The following SIGLEC8 variants were observed in gnomAD, a reference collection of about 807,000 sequenced individuals.
The protein encoded by SIGLEC8 is sialic acid-binding Ig-like lectin 8.
In SIGLEC8, 32 loss-of-function variants were observed where a neutral mutation model predicts 42.1. That is an observed-to-expected ratio of 0.76 (90% confidence interval 0.57 to 1.02). The LOEUF is 1.02. Among genes scored for constraint, SIGLEC8 ranks in the 50% least tolerant of loss-of-function variants. The pLI, the probability that SIGLEC8 is intolerant of heterozygous loss-of-function variation, is 0.00. For missense variants in SIGLEC8, 611 were observed against 610.2 expected (o/e 1.00, Z -0.01); for synonymous variants, 262 against 260.3 (o/e 1.01, Z -0.06).
In SIGLEC8 at chr19:51,458,181, T is replaced by C; in HGVS notation, c.207A>G (p.Ala69=). 6.2e-7 allele frequency: 1 copy of C among 1,613,984 alleles called. No individual in the cohort carries two copies. Among genetic ancestry groups the C allele is most frequent in the East Asian group, 2.2e-5 (1 of 44,878 alleles). The stretch of plus-strand genomic sequence containing the variant: ...GAGCGTCTTGGTATGGTCTGTCTCC[T>C]GCCCGGAACCAGTAGCCATGAACTG... The part of the protein sequence containing the change: ...SDPVHGYWFR[A]GDRPYQDAPV... The change falls in exon 1 of 7, where the codon GCA becomes GCG. Residue 69 remains alanine (A), a synonymous_variant. Coordinates refer to ENST00000321424, the MANE Select transcript of SIGLEC8 (RefSeq NM_014442.3).
At position 51,454,402 on chromosome 19, in the gene SIGLEC8, G is replaced by T. The variant is rs1477358992; in HGVS notation, c.1149-87C>A. The T allele has an allele frequency of 6.2e-7, 1 of 1,607,150 alleles. No homozygotes were observed. Among genetic ancestry groups the T allele is most frequent in the South Asian group, 1.1e-5 (1 of 90,560 alleles). ...ACCCCTGCCCTGTATTTCCTACTGG[G>T]GGCTTGAGGGGTGACCGAGGCGCAA... On this transcript the variant is annotated intron_variant, in intron 5 of 6. Transcript: ENST00000321424. The surrounding 1 kb of genome is among the most constrained non-coding windows in gnomAD (Gnocchi z 4.7).
rs1293663808 is a variant in SIGLEC8, at chr19:51,458,194, T to A, written c.194A>T (p.Tyr65Phe). Residue 65 changes from tyrosine (Y) to phenylalanine (F), a missense_variant, in exon 1 of 7, where the codon TAC becomes TTC. Coordinates refer to ENST00000321424, the MANE Select transcript of SIGLEC8 (RefSeq NM_014442.3). The part of the protein sequence containing the change: ...GWTDSDPVHG[Y>F]WFRAGDRPYQ... ...TGGTCTGTCTCCTGCCCGGAACCAGTAGCCATGAACTGGGTCAGAGTCAGT... is the reference window on the plus strand; with the variant it reads ...TGGTCTGTCTCCTGCCCGGAACCAGAAGCCATGAACTGGGTCAGAGTCAGT... 1.2e-6 allele frequency: 2 copies of A among 1,613,910 alleles called. No individual in the cohort carries two copies. The highest frequency in any genetic ancestry group is 1.7e-6 in the Non-Finnish European group (2 of 1,179,990).
chr19:51,457,358 T>C (rs542969610), intron 2 of SIGLEC8, 103 bp downstream of exon 2: 111 of 1,513,108 alleles, frequency 7.3e-5, no homozygotes, highest in Non-Finnish European at 9.3e-5. Flanking sequence ...CCAGCCCAGA[T>C]TCTGGGACCC....
chr19:51,454,642 C>G lies in SIGLEC8; in HGVS notation c.1148+42G>C, dbSNP rs1436576264. 6.6e-7 allele frequency: 1 copy of G among 1,516,822 alleles called. No individual in the cohort carries two copies. Among genetic ancestry groups the G allele is most frequent in the Non-Finnish European group, 9.2e-7 (1 of 1,091,818 alleles). The allele number at this position is 1,516,822 out of a possible 1,614,324, so 94.0% of individuals were successfully genotyped here. On this transcript the variant is annotated intron_variant, in intron 5 of 6. Transcript: ENST00000321424. The surrounding 1 kb of genome is among the most constrained non-coding windows in gnomAD (Gnocchi z 4.7). ...TCAGGGATTCTGTTCCCGGTCTGCC[C>G]TGCCCCAGGTCTCTCTCTCCCTCCC...
At position 51,452,586 on chromosome 19, in the gene SIGLEC8, A is replaced by T; in HGVS notation, c.1293T>A (p.Pro431=). 6.4e-7 allele frequency: 1 copy of T among 1,571,176 alleles called. No individual in the cohort carries two copies. Among genetic ancestry groups the T allele is most frequent in the Non-Finnish European group, 8.7e-7 (1 of 1,153,304 alleles). Residue 431 remains proline, a synonymous_variant, in exon 7 of 7, where the codon CCT becomes CCA. Transcript: ENST00000321424. ...CTGACGAGGGGGCAACAGCTGGGGG[A>T]GGCTTCTTCAGGGGGTTGCCATCTT... ...SWKDGNPLKK[P]PPAVAPSSGE...
At position 51,458,115 on chromosome 19, in the gene SIGLEC8, C is replaced by A. The variant is rs1442019715; in HGVS notation, c.273G>T (p.Glu91Asp). Residue 91 changes from glutamate (E) to aspartate (D), a missense_variant, in exon 1 of 7, where the codon GAG becomes GAT. Coordinates refer to ENST00000321424, the MANE Select transcript of SIGLEC8 (RefSeq NM_014442.3). ...TNNPDREVQAETQGRFQLLGD... is the reference protein window; with the variant it reads ...TNNPDREVQADTQGRFQLLGD... ...CAAGGAGTTGGAATCGGCCCTGGGTCTCTGCCTGCACTTCTCTGTCTGGGT... is the reference window on the plus strand; with the variant it reads ...CAAGGAGTTGGAATCGGCCCTGGGTATCTGCCTGCACTTCTCTGTCTGGGT... The A allele has an allele frequency of 6.2e-7, 1 of 1,614,154 alleles. No individual in the cohort carries two copies. The highest frequency in any genetic ancestry group is 1.1e-5 in the South Asian group (1 of 91,082).
In SIGLEC8 at chr19:51,458,097, T is replaced by C. The variant is rs944855147; in HGVS notation, c.291A>G (p.Gln97=). 1 of 1,613,990 alleles carries C rather than the reference T, an allele frequency of 6.2e-7. No homozygotes were observed. Among genetic ancestry groups the C allele is most frequent in the Non-Finnish European group, 8.5e-7 (1 of 1,179,996 alleles). The change falls in exon 1 of 7, where the codon CAA becomes CAG. Residue 97 remains glutamine, a synonymous_variant. Transcript: ENST00000321424. ...CGTTGCTCCAAATGTCCCCAAGGAG[T>C]TGGAATCGGCCCTGGGTCTCTGCCT... ...EVQAETQGRF[Q]LLGDIWSNDC...
Position 51,455,620 on chromosome 19 carries a change from AC to A in SIGLEC8, c.848del (p.Cys283LeufsTer11), listed in dbSNP as rs1010501943. 6.2e-7 allele frequency: 1 copy of A among 1,614,158 alleles called. No individual in the cohort carries two copies. The highest frequency in any genetic ancestry group is 1.3e-5 in the African/African-American group (1 of 75,050). ...VLEGQSLRLV[C>X]AVNSNPPARL... ...TGGCAGGGGGATTGCTGTTGACAGC[AC>A]AGACCAGGCGCAGAGACTGGCCCTC... On this transcript the variant is annotated frameshift_variant, in exon 4 of 7. Coordinates refer to ENST00000321424, the MANE Select transcript of SIGLEC8 (RefSeq NM_014442.3). LOFTEE classifies it high-confidence loss of function.
chr19:51,453,469 G>A (rs907421673), intron 6 of SIGLEC8: 8 of 836,384 alleles, frequency 9.6e-6, no homozygotes, highest in Non-Finnish European at 1.2e-5. Context: ...AGGCTGAGGC[G>A]GGCGGATCAC....
chr19:51,457,772 G>A lies in SIGLEC8; in HGVS notation c.455-33C>T, dbSNP rs758873196. ...AGATGGGGACACAGGATCAGGAGGA[G>A]GTATTTCAGGTGCAGCCCTGGAGGA... is the stretch of plus-strand genomic sequence containing the variant. On this transcript the variant is annotated intron_variant, in intron 1 of 6. Transcript: ENST00000321424. 25 of 1,554,444 alleles carry A rather than the reference G, an allele frequency of 1.6e-5. No homozygotes were observed. In the South Asian group the frequency reaches 3.0e-4, roughly 19 times the overall value.
chr19:51,458,372 G>A lies in SIGLEC8; in HGVS notation c.16C>T (p.Leu6=), dbSNP rs1232128940. The change falls in exon 1 of 7, where the codon CTG becomes TTG. Residue 6 remains leucine (L), a synonymous_variant. Coordinates refer to ENST00000321424, the MANE Select transcript of SIGLEC8 (RefSeq NM_014442.3). ...GTCCCCCAGAGCAGGGGCAGCAGCA[G>A]CAGCAGCAGCAGCATGTCTGGGTTT... MLLLL[L]LLPLLWGTKG... is the part of the protein sequence containing the mutation. The A allele has an allele frequency of 6.2e-7, 1 of 1,612,806 alleles. No homozygotes were observed.
chr19:51,456,643 C>G (rs1468679841), intron 3 of SIGLEC8, among the ~76,000 whole-genome samples: 1 of 152,184 alleles, frequency 6.6e-6, no homozygotes, highest in South Asian at 2.1e-4. Context: ...CGATGTCAAA[C>G]CACCTCTGAG....
intron 4 of SIGLEC8, 61 bp downstream of exon 4, chr19:51,455,357 G>A: frequency 6.3e-7 from 1 of 1,583,166 alleles, no homozygotes; most frequent in South Asian, 1.1e-5. Flanking sequence ...CTCAGGGGCA[G>A]TGGGTGGTCC....
Position 51,458,075 on chromosome 19 carries a change from T to C in SIGLEC8, c.313A>G (p.Asn105Asp). Residue 105 changes from asparagine (N) to aspartate (D), a missense_variant, in exon 1 of 7, where the codon AAC becomes GAC. Physicochemically the swap from Asn to Asp is conservative, Grantham distance 23 (BLOSUM62 1). Transcript: ENST00000321424. ...TCTCTGATGCTCAGGGAGCAGTCGT[T>C]GCTCCAAATGTCCCCAAGGAGTTGG... The part of the protein sequence containing the change: ...RFQLLGDIWS[N>D]DCSLSIRDAR... 6.2e-7 allele frequency: 1 copy of C among 1,614,216 alleles called. No homozygotes were observed. Among genetic ancestry groups the C allele is most frequent in the South Asian group, 1.1e-5 (1 of 91,086 alleles).
At chr19:51,452,665 G>C (rs1168148702) in intron 6 of SIGLEC8, 32 bp from the exon 7 acceptor site, 20 of 1,467,168 alleles carry the variant, frequency 1.4e-5, no homozygotes, top group Non-Finnish European at 1.7e-5. Context: ...AGTCAGAACA[G>C]AGCAGTGGGG....
At chr19:51,457,785 C>T in intron 1 of SIGLEC8, 46 bp from the exon 2 acceptor site, 1 of 1,551,674 alleles carries the variant, frequency 6.4e-7, no homozygotes, top group Non-Finnish European at 8.7e-7. Flanking sequence ...ATTTCAGGTG[C>T]AGCCCTGGAG....
At chr19:51,456,639 C>G (rs1383638074) in intron 3 of SIGLEC8, among the ~76,000 whole-genome samples, 1 of 152,192 alleles carries the variant, frequency 6.6e-6, no homozygotes, top group Non-Finnish European at 1.5e-5. Flanking sequence ...ACTACGATGT[C>G]AAACCACCTC....
chr19:51,455,216 A>G (rs1206736934), intron 4 of SIGLEC8, among the ~76,000 whole-genome samples: 2 of 151,936 alleles, frequency 1.3e-5, no homozygotes, highest in Non-Finnish European at 2.9e-5. Context: ...CCTCCCCTCC[A>G]AGACCCACTC....
rs750211907 is a variant in SIGLEC8, at chr19:51,457,558, G to C, written c.636C>G (p.Thr212=). 2 of 1,613,920 alleles carry C rather than the reference G, an allele frequency of 1.2e-6. No individual in the cohort carries two copies. Among genetic ancestry groups the C allele is most frequent in the African/African-American group, 2.7e-5 (2 of 74,936 alleles). ...TTARSSVLTL[T]PKPQDHGTSL... ...TGGTGCCGTGGTCCTGGGGCTTTGG[G>C]GTAAGGGTGAGCACTGAGGAGCGGG... is the stretch of plus-strand genomic sequence containing the variant. Residue 212 remains threonine, a synonymous_variant, in exon 2 of 7, where the codon ACC becomes ACG. Transcript: ENST00000321424.
Sources: allele counts gnomAD v4.1 joint callset (sites outside exome capture counted in the v4.1 genomes callset), GRCh38; gene constraint gnomAD v4.1.1; non-coding constraint Gnocchi (gnomAD v3.1); transcripts MANE v1.5; gene names NCBI Gene and HGNC (gene_info 2026-07-23, HGNC 2026-07-21).